DIP2A: variants seen among roughly 807,000 people sequenced by gnomAD.
DIP2A encodes the protein DIP2 acetate--CoA ligase A, also known as disco-interacting protein 2 homolog A.
In DIP2A, 85 loss-of-function variants were observed where a neutral mutation model predicts 177.4. The observed-to-expected ratio is 0.48, with a 90% CI of 0.40 to 0.57. The LOEUF is 0.57. DIP2A is among the 20% of genes least tolerant of loss of function. The probability of loss-of-function intolerance (pLI) is 0.00; values close to 1 mark genes in which losing one functional copy is unlikely to be tolerated. For synonymous variants in DIP2A, 886 were observed against 881.8 expected, an observed-to-expected ratio of 1.00 and a Z score of -0.08; for missense variants, 1,791 against 2,100.2, an observed-to-expected ratio of 0.85 and a Z score of 2.88.
At chr21:46,491,016 T>C (rs1472074893) in intron 3 of DIP2A, among the ~76,000 whole-genome samples, 2 of 152,244 alleles carry the variant, frequency 1.3e-5, no homozygotes, top group African/African-American at 4.8e-5. Context: ...TTAAAACTTT[T>C]GTACACTTTT....
rs763914408 is a variant in DIP2A at position 46,551,695 on chromosome 21, T to C, written c.2901T>C (p.Ala967=). 6.2e-7 allele frequency: 1 copy of C among 1,614,002 alleles called. No homozygotes were observed. Among genetic ancestry groups the C allele is most frequent in the African/African-American group, 1.3e-5 (1 of 75,064 alleles). Residue 967 remains alanine, a synonymous_variant, in exon 24 of 38, where the codon GCT becomes GCC. Coordinates refer to ENST00000417564, the MANE Select transcript of DIP2A (RefSeq NM_015151.4). ...NLVAGKRIAQ[A]SGRELAHLED... is the part of the protein sequence containing the mutation. ...TTGCTGGGAAGAGAATCGCTCAGGC[T>C]TCCGGGAGAGAGCTCGCCCACCTGG... is the stretch of plus-strand genomic sequence containing the variant.
intron 1 of DIP2A, among the ~76,000 whole-genome samples, chr21:46,466,753 C>T (rs2054869406): frequency 6.6e-6 from 1 of 151,398 alleles, no homozygotes; most frequent in Non-Finnish European, 1.5e-5. Context: ...CACCTTTTTC[C>T]AACTGCATGT....
chr21:46,522,932 A>T (rs866846234), intron 8 of DIP2A, among the ~76,000 whole-genome samples: 87 of 150,960 alleles, frequency 5.8e-4, no homozygotes, highest in Non-Finnish European at 1.1e-3. Flanking sequence ...ATTTAAAAAA[A>T]TTTTTTTTTT....
chr21:46,536,266 T>C (rs1348297703), intron 13 of DIP2A, among the ~76,000 whole-genome samples: 1 of 152,230 alleles, frequency 6.6e-6, no homozygotes, highest in Non-Finnish European at 1.5e-5. Flanking sequence ...CCAGGCTCTG[T>C]CCTTTCTGCC....
chr21:46,554,873 A>G lies in DIP2A; in HGVS notation c.3328A>G (p.Arg1110Gly), dbSNP rs1601826693. ...LTTQAVTRLL[R>G]SKEAAAAVDI... ...CACGCAGGCTGTCACACGGCTGCTC[A>G]GGTCCAAGGAGGCTGCTGCTGCCGT... The change falls in exon 28 of 38, where the codon AGG becomes GGG. Residue 1110 changes from arginine (R) to glycine (G), a missense_variant. Physicochemically the swap from Arg to Gly is moderately radical, Grantham distance 125. Transcript: ENST00000417564. The G allele has an allele frequency of 1.3e-6, 2 of 1,540,620 alleles. No individual in the cohort carries two copies. The highest frequency in any genetic ancestry group is 1.7e-6 in the Non-Finnish European group (2 of 1,146,016).
chr21:46,506,004 C>T (rs2057960574), intron 6 of DIP2A, among the ~76,000 whole-genome samples: 1 of 152,190 alleles, frequency 6.6e-6, no homozygotes, highest in African/African-American at 2.4e-5. Flanking sequence ...GGGCCGGTTA[C>T]AAGTAAAGCT....
At chr21:46,472,617 A>T (rs542265107) in intron 1 of DIP2A, among the ~76,000 whole-genome samples, 1 of 152,322 alleles carries the variant, frequency 6.6e-6, no homozygotes, top group Admixed American at 6.5e-5. Flanking sequence ...GGACATGAAG[A>T]CAAAGGGAGG....
rs149710380 is a variant in DIP2A, at chr21:46,512,804, A to G, written c.1102+1190A>G. ...CATCACCACACCCAGCTAATTTAAA[A>G]AAAAAAACAAACAAAACAAAAAAAA... On this transcript the variant is annotated intron_variant, in intron 8 of 37. Coordinates refer to ENST00000417564, the MANE Select transcript of DIP2A (RefSeq NM_015151.4). Among the ~76,000 whole-genome samples, 335 of 116,182 alleles carry G rather than the reference A, an allele frequency of 2.9e-3. 1 individual carries two copies. Among genetic ancestry groups the G allele is most frequent in the African/African-American group, 0.011 (322 of 30,570 alleles). 76.2% of individuals were successfully genotyped at this position (116,182 alleles called of 152,430 possible).
At chr21:46,545,607 T>C (rs1030182249) in intron 19 of DIP2A, among the ~76,000 whole-genome samples, 13 of 152,160 alleles carry the variant, frequency 8.5e-5, no homozygotes, top group African/African-American at 2.9e-4. Flanking sequence ...CTGCTATATT[T>C]GCATTGTTGT....
chr21:46,513,445 C>T lies in DIP2A; in HGVS notation c.1102+1831C>T, dbSNP rs540778822. ...GGGTCTGTTTCTGGGCTCCTGTTGG[C>T]GGGGGGTGTTGTCAGTCTGTTGTCT... On this transcript the variant is annotated intron_variant, in intron 8 of 37. Coordinates refer to ENST00000417564, the MANE Select transcript of DIP2A (RefSeq NM_015151.4). 1.1e-4 allele frequency among the ~76,000 whole-genome samples: 16 copies of T among 152,098 alleles called. No homozygotes were observed. In the East Asian group the frequency reaches 1.2e-3, roughly 11 times the overall value.
In DIP2A at chr21:46,503,038, T is replaced by G. The variant is rs534289821; in HGVS notation, c.656-1323T>G. On this transcript the variant is annotated intron_variant, in intron 5 of 37. Transcript: ENST00000417564. ...ACCAATTCTACTTTAAGAACTTGAT[T>G]GTGGCCAGGCGCGGTGGATCACACC... Among the ~76,000 whole-genome samples the G allele has an allele frequency of 2.0e-5, 3 of 152,214 alleles. No individual in the cohort carries two copies. In the East Asian group the frequency reaches 5.8e-4, roughly 29 times the overall value.
intron 1 of DIP2A, among the ~76,000 whole-genome samples, chr21:46,477,600 G>A (rs891370528): frequency 3.2e-5 from 2 of 62,078 alleles, no homozygotes; most frequent in African/African-American, 1.3e-4. Context: ...TTGAGTCAGA[G>A]TCTTGTCCTG....
At position 46,556,998 on chromosome 21, in the gene DIP2A, C is replaced by T. The variant is rs2060492784; in HGVS notation, c.3558C>T (p.Tyr1186=). ...CRSIKLQCEL[Y]PSRQIAICLD... ...CCATAAAGCTGCAGTGTGAGCTGTACCCCTCGCGGCAGATCGCCATCTGCC... is the reference window on the plus strand; with the variant it reads ...CCATAAAGCTGCAGTGTGAGCTGTATCCCTCGCGGCAGATCGCCATCTGCC... Residue 1186 remains tyrosine (Y), a synonymous_variant, in exon 30 of 38, where the codon TAC becomes TAT. Transcript: ENST00000417564. The surrounding 1 kb of genome is among the most constrained non-coding windows in gnomAD (Gnocchi z 4.5). 1.2e-6 allele frequency: 2 copies of T among 1,600,818 alleles called. No homozygotes were observed. Among genetic ancestry groups the T allele is most frequent in the Non-Finnish European group, 8.5e-7 (1 of 1,173,626 alleles).
chr21:46,500,549 C>T (rs886933045), intron 5 of DIP2A, among the ~76,000 whole-genome samples: 1 of 152,218 alleles, frequency 6.6e-6, no homozygotes, highest in Non-Finnish European at 1.5e-5. Context: ...TCTGTTACCT[C>T]ATTTCTTCTC....
At position 46,495,214 on chromosome 21, in the gene DIP2A, C is replaced by CTT. The variant is rs1260538590; in HGVS notation, c.284-1773_284-1772dup. ...CTTCTCTTCTCTTCTCTTCTCTTCT[C>CTT]TTCTCTTCTCTTCTCTTCTCTTCTC... is the stretch of plus-strand genomic sequence containing the variant. On this transcript the variant is annotated intron_variant, in intron 3 of 37. Transcript: ENST00000417564. Among the ~76,000 whole-genome samples the CTT allele has an allele frequency of 3.1e-5, 3 of 95,434 alleles. 1 individual carries two copies. Among genetic ancestry groups the CTT allele is most frequent in the African/African-American group, 1.7e-4 (3 of 17,180 alleles). 62.6% of individuals were successfully genotyped at this position (95,434 alleles called of 152,430 possible).
At chr21:46,517,054 CTTTT>C (rs71318086) in intron 8 of DIP2A, among the ~76,000 whole-genome samples, 173 of 60,870 alleles carry the variant, frequency 2.8e-3, no homozygotes, top group Non-Finnish European at 4.4e-3. Flanking sequence ...TTTTCTCTCT[CTTTT>C]TTTTTTTTTT....
chr21:46,507,059 C>T (rs932312941), intron 6 of DIP2A, among the ~76,000 whole-genome samples: 2 of 152,044 alleles, frequency 1.3e-5, no homozygotes, highest in Non-Finnish European at 2.9e-5. Context: ...CAGTGTGAGC[C>T]ACTGTGGCCA....
Position 46,550,712 on chromosome 21 carries a change from C to A in DIP2A, c.2807C>A (p.Thr936Asn), listed in dbSNP as rs2060239419. 1 of 1,614,038 alleles carries A rather than the reference C, an allele frequency of 6.2e-7. No individual in the cohort carries two copies. The highest frequency in any genetic ancestry group is 1.1e-5 in the South Asian group (1 of 91,082). The part of the protein sequence containing the change: ...NVLMCPHTCV[T>N]NLPKPRQKQP... ...CTGATGTGCCCTCACACCTGTGTTA[C>A]CAACCTCCCCAAACCTCGTCAGAAA... Residue 936 changes from threonine (T) to asparagine (N), a missense_variant, in exon 23 of 38, where the codon ACC (threonine) becomes AAC (asparagine). Coordinates refer to ENST00000417564, the MANE Select transcript of DIP2A (RefSeq NM_015151.4).
chr21:46,477,544 T>TTTGTGTGTGTGTGTGTGTGTGG (rs1491159710), intron 1 of DIP2A, among the ~76,000 whole-genome samples: 1 of 21,500 alleles, frequency 4.7e-5, no homozygotes. Context: ...AAAAAAGATT[T>TTTGTGTGTGTGTGTGTGTGTGG]GTGTGTGTGT....
Sources: allele counts gnomAD v4.1 joint callset (sites outside exome capture counted in the v4.1 genomes callset), GRCh38; gene constraint gnomAD v4.1.1; non-coding constraint Gnocchi (gnomAD v3.1); transcripts MANE v1.5; gene names NCBI Gene and HGNC (gene_info 2026-07-23, HGNC 2026-07-21).